The following TNFSF4 variants were observed in gnomAD, a reference collection of about 807,000 sequenced individuals.
TNFSF4 encodes TNF superfamily member 4, also known as tumor necrosis factor ligand superfamily member 4.
In TNFSF4, 4 loss-of-function variants were observed where a neutral mutation model predicts 7.3. The observed-to-expected ratio is 0.55, with a 90% CI of 0.27 to 1.25. The LOEUF (loss-of-function observed/expected upper bound fraction) is 1.25. Among genes scored for constraint, TNFSF4 ranks in the 50% most tolerant of loss-of-function variants. The pLI is 0.12. For missense variants in TNFSF4, 181 were observed against 208.8 expected (o/e 0.87, Z 0.82); for synonymous variants, 76 against 83.7 (o/e 0.91, Z 0.50).
the TNFSF4 span, among the ~76,000 whole-genome samples, chr1:173,414,048 G>A: frequency 6.6e-5 from 10 of 152,136 alleles, no homozygotes; most frequent in Non-Finnish European, 1.5e-4. Context: ...TTGCAGTTAG[G>A]TCCTCAACTC....
chr1:173,383,445 A>C, the TNFSF4 span, among the ~76,000 whole-genome samples: 1 of 152,196 alleles, frequency 6.6e-6, no homozygotes, highest in African/African-American at 2.4e-5. Context: ...TAACAAACAA[A>C]AAGGAGAGCA....
chr1:173,246,126 C>T, the TNFSF4 span, among the ~76,000 whole-genome samples: 1 of 152,070 alleles, frequency 6.6e-6, no homozygotes, highest in Non-Finnish European at 1.5e-5. Flanking sequence ...TAGGGTAGTC[C>T]TATTTTTAAT....
chr1:173,228,304 A>G, the TNFSF4 span, among the ~76,000 whole-genome samples: 1 of 152,198 alleles, frequency 6.6e-6, no homozygotes, highest in African/African-American at 2.4e-5. Context: ...TGCTGGTGAT[A>G]CCCAGGCAAA....
the TNFSF4 span, among the ~76,000 whole-genome samples, chr1:173,373,134 T>G: frequency 6.6e-6 from 1 of 152,186 alleles, no homozygotes; most frequent in African/African-American, 2.4e-5. Flanking sequence ...TGCTGCAATA[T>G]GGAAAGAAAG....
the TNFSF4 span, among the ~76,000 whole-genome samples, chr1:173,398,453 C>T: frequency 1.7e-5 from 2 of 120,936 alleles, no homozygotes; most frequent in Admixed American, 1.1e-4. Flanking sequence ...GAGACAGAGT[C>T]TCGCTCTGTC....
At chr1:173,247,392 C>T in the TNFSF4 span, among the ~76,000 whole-genome samples, 4 of 152,150 alleles carry the variant, frequency 2.6e-5, no homozygotes, top group African/African-American at 9.7e-5. Flanking sequence ...AGAAAAGATA[C>T]ATCTGAGCTG....
chr1:173,237,938 C>A, the TNFSF4 span, among the ~76,000 whole-genome samples: 3 of 152,080 alleles, frequency 2.0e-5, no homozygotes, highest in African/African-American at 7.2e-5. Flanking sequence ...AAAAATGAGC[C>A]AGAATAGCCA....
At chr1:173,431,889 A>G in the TNFSF4 span, among the ~76,000 whole-genome samples, 1 of 152,244 alleles carries the variant, frequency 6.6e-6, no homozygotes, top group East Asian at 1.9e-4. Context: ...ATGATGTATC[A>G]TGAACACAGG....
chr1:173,407,832 T>C, the TNFSF4 span, among the ~76,000 whole-genome samples: 1 of 152,074 alleles, frequency 6.6e-6, no homozygotes, highest in South Asian at 2.1e-4. Context: ...ACAGTTTTTA[T>C]CCCCTACAAA....
At chr1:173,351,841 C>A in the TNFSF4 span, 1 of 605,676 alleles carries the variant, frequency 1.7e-6, no homozygotes, top group Non-Finnish European at 3.1e-6. Context: ...CAGGAAAAGG[C>A]CAATGGCACA....
the TNFSF4 span, among the ~76,000 whole-genome samples, chr1:173,273,218 A>C: frequency 2.2e-4 from 34 of 152,246 alleles, no homozygotes; most frequent in African/African-American, 7.5e-4. Flanking sequence ...GTCTCTATAA[A>C]TTTATCACAA....
chr1:173,331,026 A>G, the TNFSF4 span, among the ~76,000 whole-genome samples: 192 of 151,872 alleles, frequency 1.3e-3, no homozygotes, highest in African/African-American at 4.4e-3. Flanking sequence ...CTGGGATTAC[A>G]GGCGCCCACC....
the TNFSF4 span, among the ~76,000 whole-genome samples, chr1:173,314,653 G>T: frequency 2.6e-5 from 4 of 152,110 alleles, no homozygotes; most frequent in Non-Finnish European, 5.9e-5. Context: ...GACCTGGAAG[G>T]CAAAAGACAG....
chr1:173,206,082 C>A (rs1026393919), intron 1 of TNFSF4, among the ~76,000 whole-genome samples: 6 of 152,020 alleles, frequency 3.9e-5, no homozygotes, highest in African/African-American at 1.4e-4. Flanking sequence ...CAGACAAGAC[C>A]ATCAGAAATC....
chr1:173,235,713 A>G, the TNFSF4 span, among the ~76,000 whole-genome samples: 1 of 152,218 alleles, frequency 6.6e-6, no homozygotes, highest in Non-Finnish European at 1.5e-5. Context: ...TGAGGTGTAT[A>G]ACCTTTTAAA....
intron 1 of TNFSF4, among the ~76,000 whole-genome samples, chr1:173,203,424 G>A (rs895824675): frequency 2.0e-5 from 3 of 152,144 alleles, no homozygotes; most frequent in African/African-American, 4.8e-5. Flanking sequence ...AAATGCCTTT[G>A]AAATTATCTT....
the TNFSF4 span, among the ~76,000 whole-genome samples, chr1:173,336,116 T>C: frequency 6.6e-6 from 1 of 152,180 alleles, no homozygotes; most frequent in Admixed American, 6.5e-5. Flanking sequence ...AATCCCCACA[T>C]TGGTTGCCTA....
upstream of TNFSF4, among the ~76,000 whole-genome samples, chr1:173,209,498 C>A (rs560152218): frequency 6.6e-6 from 1 of 152,088 alleles, no homozygotes; most frequent in African/African-American, 2.4e-5. Context: ...CAATTTTTTT[C>A]ATTTGCATTT....
At chr1:173,281,802 C>T in the TNFSF4 span, among the ~76,000 whole-genome samples, 1 of 152,128 alleles carries the variant, frequency 6.6e-6, no homozygotes, top group Non-Finnish European at 1.5e-5. Context: ...TACATTATCT[C>T]ATTTAATACT....
Sources: allele counts gnomAD v4.1 joint callset (sites outside exome capture counted in the v4.1 genomes callset), GRCh38; gene constraint gnomAD v4.1.1; transcripts MANE v1.5; gene names NCBI Gene and HGNC (gene_info 2026-07-23, HGNC 2026-07-21).